The following SCMH1 variants were observed in gnomAD, a reference collection of about 807,000 sequenced individuals.
SCMH1 encodes the protein polycomb protein SCMH1.
In SCMH1, 37 loss-of-function variants were observed where a neutral mutation model predicts 70.8. The observed-to-expected ratio is 0.52, with a 90% CI of 0.40 to 0.69. SCMH1 has a LOEUF of 0.69. Ranked by LOEUF, SCMH1 falls within the 30% of genes least tolerant of loss-of-function variation. The pLI is 0.00. For synonymous variants in SCMH1, 292 were observed against 307.4 expected, an observed-to-expected ratio of 0.95 and a Z score of 0.52; for missense variants, 607 against 827.3, an observed-to-expected ratio of 0.73 and a Z score of 3.27.
intron 1 of SCMH1, among the ~76,000 whole-genome samples, chr1:41,199,078 A>G (rs954043336): frequency 6.6e-6 from 1 of 152,230 alleles, no homozygotes; most frequent in Non-Finnish European, 1.5e-5. Context: ...CATTCTGTTA[A>G]AATAAATTTT....
intron 10 of SCMH1, among the ~76,000 whole-genome samples, chr1:41,067,070 A>C (rs1274006836): frequency 6.6e-6 from 1 of 152,200 alleles, no homozygotes; most frequent in Non-Finnish European, 1.5e-5. Flanking sequence ...CTTTGAAGCA[A>C]CCAACATTCC....
chr1:41,107,606 G>A (rs1486507236), intron 8 of SCMH1, among the ~76,000 whole-genome samples: 1 of 152,028 alleles, frequency 6.6e-6, no homozygotes, highest in Non-Finnish European at 1.5e-5. Flanking sequence ...TGCAACCTCT[G>A]CCTCCTGGGT....
intron 8 of SCMH1, among the ~76,000 whole-genome samples, chr1:41,109,790 C>G (rs953137602): frequency 2.0e-5 from 3 of 152,226 alleles, no homozygotes; most frequent in African/African-American, 4.8e-5. Context: ...AGTCATATTT[C>G]TTATCAGCAA....
chr1:41,118,441 T>A (rs535685174), intron 6 of SCMH1, among the ~76,000 whole-genome samples: 7 of 152,316 alleles, frequency 4.6e-5, no homozygotes, highest in African/African-American at 1.7e-4. Flanking sequence ...AAACCAAACA[T>A]GTCAACCGAT....
At chr1:41,222,185 CAAGGG>C (rs1192685879) in intron 1 of SCMH1, among the ~76,000 whole-genome samples, 1 of 149,926 alleles carries the variant, frequency 6.7e-6, no homozygotes, top group East Asian at 2.0e-4. Context: ...GAAAAGGAAA[CAAGGG>C]AAGGGAAGAA....
At position 41,146,894 on chromosome 1, in the gene SCMH1, T is replaced by C. The variant is rs1045890291; in HGVS notation, c.178-3782A>G. On this transcript the variant is annotated intron_variant, in intron 5 of 14. Transcript: ENST00000337495. ...CTTAATTTTGACAAAGTCCACTCTA[T>C]TTTTTTAATGAATCAAAATTTTGGT... 7.9e-5 allele frequency among the ~76,000 whole-genome samples: 12 copies of C among 152,138 alleles called. No individual in the cohort carries two copies. The East Asian group carries it at 2.3e-3, about 29-fold the overall frequency.
intron 1 of SCMH1, among the ~76,000 whole-genome samples, chr1:41,189,444 G>A (rs904826877): frequency 3.3e-5 from 5 of 152,236 alleles, no homozygotes; most frequent in African/African-American, 7.2e-5. Context: ...GAGCCACTGC[G>A]CCCAGCCGAG....
chr1:41,067,458 C>CAAAAAAA (rs60607308), intron 10 of SCMH1, among the ~76,000 whole-genome samples: 4 of 60,254 alleles, frequency 6.6e-5, no homozygotes, highest in Admixed American at 1.9e-4. Flanking sequence ...ACAACAACAA[C>CAAAAAAA]AAAAAAAAAA....
chr1:41,037,391 G>A, exon 13 of SCMH1: 1 of 1,614,216 alleles, frequency 6.2e-7, no homozygotes, highest in East Asian at 2.2e-5. Flanking sequence ...CACAGCTGAG[G>A]CAGTGCTTGG....
At position 41,200,516 on chromosome 1, in the gene SCMH1, TATA is replaced by T. The variant is rs749044541; in HGVS notation, c.-117-14269_-117-14267del. ...ATAAATGTAATAATAATAATAATAA[TATA>T]ATAATAATAATAATAATAATGCTTG... On this transcript the variant is annotated intron_variant, in intron 1 of 14. Coordinates refer to ENST00000337495, the Ensembl canonical transcript of SCMH1. Among the ~76,000 whole-genome samples the T allele has an allele frequency of 2.4e-3, 352 of 145,890 alleles. 3 individuals carry two copies. The East Asian group carries it at 0.035, about 15-fold the overall frequency.
At chr1:41,215,408 A>C (rs191998010) in intron 1 of SCMH1, among the ~76,000 whole-genome samples, 112 of 152,192 alleles carry the variant, frequency 7.4e-4, no homozygotes, top group African/African-American at 2.6e-3. Flanking sequence ...CAAAACCTAA[A>C]TCCTTTAAGA....
intron 2 of SCMH1, among the ~76,000 whole-genome samples, chr1:41,177,556 A>C (rs1209627298): frequency 6.6e-6 from 1 of 152,224 alleles, no homozygotes; most frequent in Non-Finnish European, 1.5e-5. Flanking sequence ...GACCTGATGG[A>C]GCTGAAAACC....
At chr1:41,231,045 T>C (rs1017046052) in intron 1 of SCMH1, among the ~76,000 whole-genome samples, 3 of 152,206 alleles carry the variant, frequency 2.0e-5, no homozygotes, top group Non-Finnish European at 4.4e-5. Flanking sequence ...TGGATCAAAG[T>C]TGAGAACAGA....
upstream of SCMH1, chr1:41,242,162 C>G (rs1365855206): frequency 7.0e-6 from 1 of 142,440 alleles, no homozygotes; most frequent in Admixed American, 6.9e-5. The surrounding 1 kb of genome is among the most constrained non-coding windows in gnomAD (Gnocchi z 5.2). Context: ...GGGCGGGCGG[C>G]TCGGGAGAGC....
Position 41,035,160 on chromosome 1 carries a change from A to G in SCMH1, c.1678+2202T>C, listed in dbSNP as rs116538533. The stretch of plus-strand genomic sequence containing the variant: ...TATCACAAAGTTCTTTGGCATGTCA[A>G]ACTTTCCATTTTCCCTATCCTGATT... On this transcript the variant is annotated intron_variant, in intron 13 of 14. Coordinates refer to ENST00000337495, the Ensembl canonical transcript of SCMH1. Among the ~76,000 whole-genome samples, 953 of 152,254 alleles carry G rather than the reference A, an allele frequency of 6.3e-3. 15 individuals carry two copies. Among genetic ancestry groups the G allele is most frequent in the African/African-American group, 0.022 (911 of 41,538 alleles).
chr1:41,048,775 A>G, exon 11 of SCMH1: 2 of 1,614,188 alleles, frequency 1.2e-6, no homozygotes, highest in South Asian at 1.1e-5. Context: ...AGGCCTGGAC[A>G]GCCTGCTGCA....
intron 8 of SCMH1, among the ~76,000 whole-genome samples, chr1:41,095,427 T>C (rs540822917): frequency 6.6e-6 from 1 of 152,336 alleles, no homozygotes; most frequent in South Asian, 2.1e-4. Context: ...GAGTAAAACC[T>C]ATTCCCAAGT....
intron 1 of SCMH1, among the ~76,000 whole-genome samples, chr1:41,227,436 C>G (rs531805025): frequency 1.3e-4 from 20 of 152,278 alleles, no homozygotes; most frequent in African/African-American, 4.8e-4. Flanking sequence ...AAAGGAAATT[C>G]TGACACACGC....
Position 41,142,777 on chromosome 1 carries a change from G to C in SCMH1, c.412+101C>G, listed in dbSNP as rs917634315. The C allele has an allele frequency of 8.3e-6, 8 of 964,424 alleles. No homozygotes were observed. In the East Asian group the frequency reaches 1.8e-4, roughly 21 times the overall value. The allele number at this position is 964,424 out of a possible 1,614,324, so 59.7% of individuals were successfully genotyped here. ...TTTAGGAGACTATATGAAAAATAAG[G>C]GATAAGCTGGGTACCCTAGGCTTTC... On this transcript the variant is annotated intron_variant, in intron 6 of 14. Transcript: ENST00000337495.
Sources: gnomAD v4.1 joint callset for allele counts (sites outside exome capture counted in the v4.1 genomes callset) on GRCh38, gnomAD v4.1.1 for gene constraint, Gnocchi (gnomAD v3.1) non-coding constraint, MANE v1.5 for transcripts, NCBI Gene and HGNC (gene_info 2026-07-23, HGNC 2026-07-21) for gene names.